Variants in UTRN observed in about 807,000 individuals in gnomAD.
UTRN encodes the protein utrophin, also known as dystrophin-related protein 1.
UTRN carries 283 observed loss-of-function variants against 463.9 expected under a neutral mutation model. The observed-to-expected ratio is 0.61, with a 90% CI of 0.55 to 0.67. The LOEUF is 0.67. Ranked by LOEUF, UTRN falls within the 30% of genes least tolerant of loss-of-function variation. The pLI is 0.00. For synonymous variants in UTRN, 1,442 were observed against 1,431.5 expected, an observed-to-expected ratio of 1.01 and a Z score of -0.17; for missense variants, 3,922 against 4,084.3, an observed-to-expected ratio of 0.96 and a Z score of 1.08.
chr6:144,559,434 A>G (rs1279761218), intron 50 of UTRN, among the ~76,000 whole-genome samples: 2 of 152,172 alleles, frequency 1.3e-5, no homozygotes, highest in East Asian at 1.9e-4. Context: ...TAGGGCTTCT[A>G]TATGTAAAGA....
intron 54 of UTRN, among the ~76,000 whole-genome samples, chr6:144,740,696 A>G (rs1789958661): frequency 6.6e-6 from 1 of 152,236 alleles, no homozygotes; most frequent in Non-Finnish European, 1.5e-5. Flanking sequence ...CAACTTTTCT[A>G]AAATACAACG....
chr6:144,635,017 G>C (rs1470974423), intron 51 of UTRN, among the ~76,000 whole-genome samples: 1 of 151,974 alleles, frequency 6.6e-6, no homozygotes, highest in Non-Finnish European at 1.5e-5. Flanking sequence ...TTCCTCTTGA[G>C]TAGAACTGCT....
intron 3 of UTRN, among the ~76,000 whole-genome samples, chr6:144,414,375 TAC>T (rs1258163402): frequency 1.3e-5 from 2 of 152,064 alleles, no homozygotes; most frequent in African/African-American, 2.4e-5. Flanking sequence ...ACTAAAAAAA[TAC>T]AGTTTTAAAA....
intron 53 of UTRN, among the ~76,000 whole-genome samples, chr6:144,707,380 C>G (rs1463565361): frequency 1.3e-5 from 2 of 152,144 alleles, no homozygotes; most frequent in Non-Finnish European, 2.9e-5. Context: ...ATCTCTGTTC[C>G]ATACTTGCTG....
chr6:144,440,974 A>G (rs1028176781), intron 13 of UTRN, among the ~76,000 whole-genome samples: 4 of 152,128 alleles, frequency 2.6e-5, no homozygotes, highest in African/African-American at 9.7e-5. Flanking sequence ...ACTCACTATC[A>G]CAAGAACAGC....
chr6:144,698,701 C>T (rs962346957), intron 52 of UTRN, among the ~76,000 whole-genome samples: 1 of 152,222 alleles, frequency 6.6e-6, no homozygotes, highest in Admixed American at 6.5e-5. Context: ...GATAAGTGGG[C>T]TTTCACCAGG....
At chr6:144,595,039 G>T (rs907653907) in intron 51 of UTRN, among the ~76,000 whole-genome samples, 5 of 152,060 alleles carry the variant, frequency 3.3e-5, no homozygotes, top group Admixed American at 6.5e-5. Flanking sequence ...ACTTTTAATA[G>T]AAATTATTTA....
chr6:144,627,651 A>G (rs1776083952), intron 51 of UTRN, among the ~76,000 whole-genome samples: 1 of 151,994 alleles, frequency 6.6e-6, no homozygotes, highest in Admixed American at 6.6e-5. Flanking sequence ...TGGCCACTCT[A>G]CTTTCTGTAC....
At chr6:144,726,435 C>G (rs1279652390) in intron 53 of UTRN, among the ~76,000 whole-genome samples, 1 of 152,134 alleles carries the variant, frequency 6.6e-6, no homozygotes, top group African/African-American at 2.4e-5. Context: ...ACCACCTCCC[C>G]CAGGAAGCAT....
intron 35 of UTRN, among the ~76,000 whole-genome samples, chr6:144,513,520 A>G (rs564407883): frequency 3.3e-5 from 5 of 152,330 alleles, no homozygotes; most frequent in Admixed American, 6.5e-5. Flanking sequence ...ACTCTACTCC[A>G]GGCTGGTGAC....
chr6:144,583,499 A>G, intron 51 of UTRN: 1 of 715,470 alleles, frequency 1.4e-6, no homozygotes, highest in Non-Finnish European at 2.6e-6. Context: ...TAAACTTAAA[A>G]TGATGGCTGT....
intron 3 of UTRN, among the ~76,000 whole-genome samples, chr6:144,416,225 C>G (rs1241358085): frequency 6.6e-6 from 1 of 152,156 alleles, no homozygotes; most frequent in Non-Finnish European, 1.5e-5. Context: ...TGCCTGTAGA[C>G]AAGATCTATT....
At chr6:144,425,476 G>A (rs1262665156) in intron 6 of UTRN, among the ~76,000 whole-genome samples, 1 of 152,044 alleles carries the variant, frequency 6.6e-6, no homozygotes, top group Admixed American at 6.5e-5. Flanking sequence ...TTTAGCACCC[G>A]TTCATAATTT....
At chr6:144,797,292 G>A (rs1222797614) in intron 63 of UTRN, among the ~76,000 whole-genome samples, 1 of 151,660 alleles carries the variant, frequency 6.6e-6, no homozygotes, top group African/African-American at 2.4e-5. Flanking sequence ...AGGTTCAAGC[G>A]ATTCTCCTGC....
In UTRN at chr6:144,850,900, C is replaced by A. The variant is rs1782437895; in HGVS notation, c.10294-89C>A. The A allele has an allele frequency of 2.6e-6, 4 of 1,556,158 alleles. No individual in the cohort carries two copies. The African/African-American group carries it at 4.1e-5, about 16-fold the overall frequency. ...GTAGAGTTAAGACTCTTGAAAGAAG[C>A]ACTTTTATTTTCTTGAAGAATTGAC... On this transcript the variant is annotated intron_variant, in intron 74 of 74. Transcript: ENST00000367545.
At chr6:144,610,024 T>C (rs1244263161) in intron 51 of UTRN, among the ~76,000 whole-genome samples, 1 of 148,150 alleles carries the variant, frequency 6.7e-6, no homozygotes, top group Non-Finnish European at 1.5e-5. Context: ...CAAGGAACAA[T>C]AAAAAGAAGA....
At chr6:144,479,757 T>G (rs1454535451) in intron 25 of UTRN, 55 bp from the exon 26 acceptor site, 1 of 1,539,468 alleles carries the variant, frequency 6.5e-7, no homozygotes, top group Non-Finnish European at 8.7e-7. Context: ...AGCTAAAACT[T>G]GACATTGAAC....
In UTRN at chr6:144,435,970, A is replaced by T. The variant is rs1416570369; in HGVS notation, c.891A>T (p.Arg297=). 2 of 1,614,030 alleles carry T rather than the reference A, an allele frequency of 1.2e-6. No homozygotes were observed. Among genetic ancestry groups the T allele is most frequent in the Non-Finnish European group, 1.7e-6 (2 of 1,180,036 alleles). ...TAPEEEHESP[R]AETPSTVTEV... ...CTGAGGAGGAGCATGAGAGTCCCCG[A>T]GCTGAAACTCCCAGCACTGTCACTG... Residue 297 remains arginine (R), a synonymous_variant, in exon 10 of 75, where the codon CGA becomes CGT. Transcript: ENST00000367545.
chr6:144,684,883 T>C (rs1782590288), intron 52 of UTRN, among the ~76,000 whole-genome samples: 1 of 152,224 alleles, frequency 6.6e-6, no homozygotes, highest in Admixed American at 6.5e-5. Flanking sequence ...TTTTACAATT[T>C]CAGTAGCTTT....
Sources: gnomAD v4.1 joint callset for allele counts (sites outside exome capture counted in the v4.1 genomes callset) on GRCh38, gnomAD v4.1.1 for gene constraint, MANE v1.5 for transcripts, NCBI Gene and HGNC (gene_info 2026-07-23, HGNC 2026-07-21) for gene names.